The following COL22A1 variants were observed in gnomAD, a reference collection of about 807,000 sequenced individuals.
COL22A1 encodes collagen type XXII alpha 1 chain.
Under a neutral mutation model 248.9 loss-of-function variants are expected in COL22A1, and 221 were observed. The observed-to-expected ratio is 0.89, with a 90% CI of 0.80 to 0.99. The LOEUF (loss-of-function observed/expected upper bound fraction) is 0.99, where lower values mean the gene tolerates loss of function less well. Among genes scored for constraint, COL22A1 ranks in the 50% least tolerant of loss-of-function variants. The pLI, the probability that COL22A1 is intolerant of heterozygous loss-of-function variation, is 0.00. For synonymous variants in COL22A1, 891 were observed against 793.4 expected (o/e 1.12, Z -2.07); for missense variants, 2,240 against 2,179.0 (o/e 1.03, Z -0.56).
rs191950608 is a variant in COL22A1 at position 138,880,188 on chromosome 8, G to A, written c.92-1872C>T. Among the ~76,000 whole-genome samples, 99 of 152,334 alleles carry A rather than the reference G, an allele frequency of 6.5e-4. No individual in the cohort carries two copies. In the East Asian group the frequency reaches 0.016, roughly 25 times the overall value. On this transcript the variant is annotated intron_variant, in intron 2 of 64. Coordinates refer to ENST00000303045, the MANE Select transcript of COL22A1 (RefSeq NM_152888.3). The stretch of plus-strand genomic sequence containing the variant: ...AATAAATTACTTAAAGAAAAATCAT[G>A]ATGTATTCATTGCTAGGCAGCCATG...
chr8:138,799,761 T>A (rs892718766), intron 11 of COL22A1, among the ~76,000 whole-genome samples: 1 of 152,218 alleles, frequency 6.6e-6, no homozygotes, highest in African/African-American at 2.4e-5. Context: ...TGGCATTCAT[T>A]GCTCTACAGT....
intron 56 of COL22A1, among the ~76,000 whole-genome samples, chr8:138,612,963 C>T (rs919141005): frequency 6.8e-5 from 8 of 118,458 alleles, no homozygotes; most frequent in African/African-American, 1.2e-4. Flanking sequence ...AAAAAAAAAG[C>T]AGGGGCTGGG....
Position 138,811,935 on chromosome 8 carries a change from C to T in COL22A1, c.1327-14G>A. 6 of 1,533,696 alleles carry T rather than the reference C, an allele frequency of 3.9e-6. No homozygotes were observed. Among genetic ancestry groups the T allele is most frequent in the Non-Finnish European group, 5.3e-6 (6 of 1,139,292 alleles). On this transcript the variant is annotated splice_polypyrimidine_tract_variant and intron_variant, in intron 8 of 64. Coordinates refer to ENST00000303045, the MANE Select transcript of COL22A1 (RefSeq NM_152888.3). ...GGTCACCTGGCACTGGAAGGAAAGCCCAGGAGGTCAGAACCTGGCTCTTCA... is the reference window on the plus strand; with the variant it reads ...GGTCACCTGGCACTGGAAGGAAAGCTCAGGAGGTCAGAACCTGGCTCTTCA...
chr8:138,764,176 T>G (rs1833738557), intron 16 of COL22A1, among the ~76,000 whole-genome samples: 1 of 152,200 alleles, frequency 6.6e-6, no homozygotes, highest in Non-Finnish European at 1.5e-5. Flanking sequence ...GTGCTCGCTG[T>G]GGGTGCCTGC....
intron 9 of COL22A1, among the ~76,000 whole-genome samples, chr8:138,810,465 G>A (rs1818118988): frequency 6.6e-6 from 1 of 152,206 alleles, no homozygotes; most frequent in Admixed American, 6.5e-5. Context: ...GGGGGTGGGT[G>A]GAGGAGCTGC....
chr8:138,719,498 T>C (rs1391025470), intron 27 of COL22A1, among the ~76,000 whole-genome samples: 1 of 152,156 alleles, frequency 6.6e-6, no homozygotes, highest in Non-Finnish European at 1.5e-5. Flanking sequence ...TTTCCACAGT[T>C]TGAGTCAACC....
intron 3 of COL22A1, among the ~76,000 whole-genome samples, chr8:138,873,751 T>C (rs1174208524): frequency 6.6e-6 from 1 of 151,536 alleles, no homozygotes; most frequent in Non-Finnish European, 1.5e-5. Flanking sequence ...GCTTGTTGAA[T>C]GAATGAATGA....
At chr8:138,729,766 C>T (rs112427864) in intron 23 of COL22A1, among the ~76,000 whole-genome samples, 201 of 152,316 alleles carry the variant, frequency 1.3e-3, no homozygotes, top group Non-Finnish European at 2.0e-3. Flanking sequence ...GTCTCTTGGC[C>T]ATGCTCTGCC....
At chr8:138,654,646 C>A (rs1421447390) in intron 45 of COL22A1, among the ~76,000 whole-genome samples, 1 of 152,148 alleles carries the variant, frequency 6.6e-6, no homozygotes, top group Non-Finnish European at 1.5e-5. Flanking sequence ...TCACTTGCTG[C>A]AGCACCCCTG....
At chr8:138,757,380 G>A (rs922638715) in intron 18 of COL22A1, among the ~76,000 whole-genome samples, 3 of 152,098 alleles carry the variant, frequency 2.0e-5, no homozygotes, top group South Asian at 2.1e-4. Flanking sequence ...TCAAAATCAT[G>A]TCTTTTTTAT....
intron 40 of COL22A1, among the ~76,000 whole-genome samples, chr8:138,679,026 C>T (rs1327508116): frequency 6.6e-6 from 1 of 152,144 alleles, no homozygotes; most frequent in African/African-American, 2.4e-5. Flanking sequence ...AGCAATCCTC[C>T]TGCCTCAGCC....
At chr8:138,896,553 G>A (rs1042223621) in intron 1 of COL22A1, among the ~76,000 whole-genome samples, 1 of 152,068 alleles carries the variant, frequency 6.6e-6, no homozygotes. Flanking sequence ...TAATCCACAA[G>A]AGGGCACAAA....
At chr8:138,778,532 C>T in intron 14 of COL22A1, 126 bp from the exon 15 acceptor site, 1 of 792,556 alleles carries the variant, frequency 1.3e-6, no homozygotes, top group Non-Finnish European at 2.0e-6. Flanking sequence ...CAAGTGCTGC[C>T]CATGCTGTTG....
At chr8:138,626,156 T>A (rs776700414) in intron 51 of COL22A1, 34 bp downstream of exon 51, 26 of 1,549,012 alleles carry the variant, frequency 1.7e-5, no homozygotes, top group Non-Finnish European at 2.0e-5. Context: ...AACTAGTTTG[T>A]TTTTGTTTGT....
intron 10 of COL22A1, among the ~76,000 whole-genome samples, chr8:138,805,955 G>GGT: frequency 7.3e-6 from 1 of 136,690 alleles, no homozygotes; most frequent in Admixed American, 7.6e-5. Flanking sequence ...GGTATATTAT[G>GGT]GTGTGTATGT....
At chr8:138,661,007 G>C (rs868467032) in intron 43 of COL22A1, among the ~76,000 whole-genome samples, 2 of 136,344 alleles carry the variant, frequency 1.5e-5, no homozygotes, top group Admixed American at 7.1e-5. Flanking sequence ...CACATACACA[G>C]ACACACACAC....
chr8:138,734,196 A>T (rs1004855427), intron 23 of COL22A1, among the ~76,000 whole-genome samples: 1 of 152,196 alleles, frequency 6.6e-6, no homozygotes, highest in Non-Finnish European at 1.5e-5. Context: ...CTTCAATGAC[A>T]GTCGTCTTCT....
At chr8:138,875,883 C>G (rs1012771960) in intron 3 of COL22A1, among the ~76,000 whole-genome samples, 2 of 152,218 alleles carry the variant, frequency 1.3e-5, no homozygotes, top group East Asian at 1.9e-4. Flanking sequence ...CTTGCATGCT[C>G]TAGGGTAGAT....
chr8:138,811,272 T>TAC (rs10566309), intron 9 of COL22A1, among the ~76,000 whole-genome samples: 196 of 148,742 alleles, frequency 1.3e-3, no homozygotes, highest in Admixed American at 4.7e-3. Flanking sequence ...TATATATATA[T>TAC]ACACACACAC....
Sources: gnomAD v4.1 joint callset for allele counts (sites outside exome capture counted in the v4.1 genomes callset) on GRCh38, gnomAD v4.1.1 for gene constraint, MANE v1.5 for transcripts, NCBI Gene and HGNC (gene_info 2026-07-23, HGNC 2026-07-21) for gene names.